HHAT: variants seen among roughly 807,000 people sequenced by gnomAD.
The protein encoded by HHAT is hedgehog acyltransferase.
In HHAT, 47 loss-of-function variants were observed where a neutral mutation model predicts 70.8. The observed-to-expected ratio is 0.66, with a 90% CI of 0.53 to 0.85. HHAT has a LOEUF of 0.85. Among genes scored for constraint, HHAT ranks in the 40% least tolerant of loss-of-function variants. HHAT has a pLI of 0.00. For missense variants in HHAT, 609 were observed against 604.8 expected (o/e 1.01, Z -0.07); for synonymous variants, 228 against 247.6 (o/e 0.92, Z 0.74).
At chr1:210,572,035 G>C (rs1477507224) in intron 9 of HHAT, among the ~76,000 whole-genome samples, 3 of 152,206 alleles carry the variant, frequency 2.0e-5, no homozygotes, top group Non-Finnish European at 2.9e-5. Flanking sequence ...ATTGTTTCCT[G>C]AGCGTGGGAT....
At chr1:210,364,515 T>TTG (rs768587973) in intron 3 of HHAT, among the ~76,000 whole-genome samples, 5 of 152,214 alleles carry the variant, frequency 3.3e-5, no homozygotes, top group Non-Finnish European at 7.3e-5. Context: ...GCAGACACAT[T>TTG]TGAAAGACTT....
intron 1 of HHAT, among the ~76,000 whole-genome samples, chr1:210,330,301 T>C (rs559022500): frequency 9.8e-4 from 150 of 152,340 alleles, no homozygotes; most frequent in African/African-American, 3.5e-3. Context: ...TCAATTAATG[T>C]TAATTTAAGG....
intron 8 of HHAT, among the ~76,000 whole-genome samples, chr1:210,504,127 A>G (rs1051503453): frequency 2.2e-4 from 34 of 152,240 alleles, no homozygotes; most frequent in African/African-American, 8.0e-4. Flanking sequence ...ACATCCAATA[A>G]AGGACTTGTT....
chr1:210,593,776 T>C (rs1433728309), intron 10 of HHAT, among the ~76,000 whole-genome samples: 2 of 152,130 alleles, frequency 1.3e-5, no homozygotes, highest in Non-Finnish European at 2.9e-5. Flanking sequence ...GTGTAATTTC[T>C]TCAGCTGTTA....
intron 8 of HHAT, among the ~76,000 whole-genome samples, chr1:210,477,792 G>A (rs990389294): frequency 2.0e-5 from 3 of 152,090 alleles, no homozygotes; most frequent in African/African-American, 4.8e-5. Context: ...TATTTTAATC[G>A]AGGTTCTTCA....
chr1:210,524,236 TTAAG>T (rs1486418170), intron 9 of HHAT, among the ~76,000 whole-genome samples: 2 of 152,200 alleles, frequency 1.3e-5, no homozygotes, highest in African/African-American at 2.4e-5. Flanking sequence ...AGATCTCACA[TTAAG>T]TGTTTCTACA....
intron 10 of HHAT, chr1:210,588,597 A>G (rs1052523995): frequency 2.6e-5 from 4 of 153,156 alleles, no homozygotes; most frequent in African/African-American, 9.7e-5. Flanking sequence ...TAGTAATCAT[A>G]TTATTCTAAA....
At chr1:210,409,690 C>T (rs911096721) in intron 6 of HHAT, among the ~76,000 whole-genome samples, 2 of 152,106 alleles carry the variant, frequency 1.3e-5, no homozygotes, top group African/African-American at 2.4e-5. Flanking sequence ...ATGTATTATT[C>T]GTGTATGAAG....
intron 9 of HHAT, among the ~76,000 whole-genome samples, chr1:210,548,274 A>T (rs1318174829): frequency 6.6e-6 from 1 of 152,214 alleles, no homozygotes; most frequent in Admixed American, 6.5e-5. Flanking sequence ...ACCTTGGCCT[A>T]TGTTAATGTC....
At chr1:210,671,388 C>T (rs1680049852) in intron 11 of HHAT, among the ~76,000 whole-genome samples, 1 of 152,218 alleles carries the variant, frequency 6.6e-6, no homozygotes, top group South Asian at 2.1e-4. Flanking sequence ...TGAGGGCTTC[C>T]AGCAGGATGG....
At chr1:210,499,577 G>C (rs2094714896) in intron 8 of HHAT, among the ~76,000 whole-genome samples, 1 of 152,104 alleles carries the variant, frequency 6.6e-6, no homozygotes, top group South Asian at 2.1e-4. Flanking sequence ...CAGGAGTTGG[G>C]GGTTGCAGTG....
chr1:210,631,111 AT>A (rs745870956), intron 11 of HHAT: 4 of 456,350 alleles, frequency 8.8e-6, no homozygotes, highest in South Asian at 6.2e-5. Context: ...GTTCCCAACT[AT>A]TTTTCCTGGA....
chr1:210,492,067 CT>C (rs1558014848), intron 8 of HHAT, among the ~76,000 whole-genome samples: 1 of 152,076 alleles, frequency 6.6e-6, no homozygotes, highest in Non-Finnish European at 1.5e-5. Context: ...CTGGCCCTGT[CT>C]TTAGTTCCTA....
chr1:210,435,420 G>A (rs983775576), intron 7 of HHAT, among the ~76,000 whole-genome samples: 1 of 151,818 alleles, frequency 6.6e-6, no homozygotes, highest in Admixed American at 6.5e-5. Context: ...GAATAATGCT[G>A]CAATAAACAT....
At chr1:210,668,427 T>C (rs905302040) in intron 11 of HHAT, among the ~76,000 whole-genome samples, 2 of 152,192 alleles carry the variant, frequency 1.3e-5, no homozygotes, top group Admixed American at 1.3e-4. Flanking sequence ...GGGGGTGGGT[T>C]TTCCTGTGCT....
Position 210,405,632 on chromosome 1 carries a change from G to A in HHAT, c.684+953G>A, listed in dbSNP as rs541919355. On this transcript the variant is annotated intron_variant, in intron 6 of 11. Coordinates refer to ENST00000261458, the MANE Select transcript of HHAT (RefSeq NM_018194.6). Reference sequence around the variant, plus strand: ...GAAAGTTGCTCCCTGAAAAAGGAGGGTTCTTAGAAATCTTATTTTGTCCTC... The same window carrying A: ...GAAAGTTGCTCCCTGAAAAAGGAGGATTCTTAGAAATCTTATTTTGTCCTC... Among the ~76,000 whole-genome samples, 4 of 152,232 alleles carry A rather than the reference G, an allele frequency of 2.6e-5. No homozygotes were observed. In the East Asian group the frequency reaches 7.7e-4, roughly 29 times the overall value.
At chr1:210,495,383 C>A (rs2094620079) in intron 8 of HHAT, among the ~76,000 whole-genome samples, 4 of 151,976 alleles carry the variant, frequency 2.6e-5, no homozygotes. Flanking sequence ...GGCCTGAGGG[C>A]TGGGCTCAGT....
intron 9 of HHAT, among the ~76,000 whole-genome samples, chr1:210,533,512 T>C (rs1482959602): frequency 1.3e-5 from 2 of 152,220 alleles, no homozygotes; most frequent in Non-Finnish European, 2.9e-5. Context: ...GATGGTCTTT[T>C]CATGACTAAA....
intron 2 of HHAT, among the ~76,000 whole-genome samples, chr1:210,356,518 A>G (rs1449312071): frequency 6.6e-6 from 1 of 151,668 alleles, no homozygotes. Flanking sequence ...TTGAATCACT[A>G]CTCCCTGTTT....
Sources: gnomAD v4.1 joint callset for allele counts (sites outside exome capture counted in the v4.1 genomes callset) on GRCh38, gnomAD v4.1.1 for gene constraint, MANE v1.5 for transcripts, NCBI Gene and HGNC (gene_info 2026-07-23, HGNC 2026-07-21) for gene names.